RGS8: variants seen among roughly 807,000 people sequenced by gnomAD.
RGS8 encodes regulator of G-protein signaling 8.
A neutral mutation model predicts 21.7 loss-of-function variants in RGS8; 8 were observed. That is an observed-to-expected ratio of 0.37 (90% CI 0.22 to 0.66). RGS8 has a LOEUF of 0.66. Ranked by LOEUF, RGS8 falls within the 30% of genes least tolerant of loss-of-function variation. The probability of loss-of-function intolerance (pLI) is 0.59; values close to 1 mark genes in which losing one functional copy is unlikely to be tolerated. For missense variants in RGS8, 157 were observed against 217.9 expected (o/e 0.72, Z 1.76); for synonymous variants, 80 against 83.6 (o/e 0.96, Z 0.24).
At chr1:182,696,649 C>T in the RGS8 span, among the ~76,000 whole-genome samples, 4 of 152,250 alleles carry the variant, frequency 2.6e-5, no homozygotes, top group African/African-American at 4.8e-5. Context: ...CGTGCCAAGC[C>T]TCTGTTTAAC....
the RGS8 span, among the ~76,000 whole-genome samples, chr1:182,691,520 A>C: frequency 1.3e-5 from 2 of 151,438 alleles, no homozygotes; most frequent in Non-Finnish European, 2.9e-5. Context: ...ATGATCCATC[A>C]CATAAAGAGG....
At chr1:182,659,766 T>C (rs1273781182) in intron 5 of RGS8, among the ~76,000 whole-genome samples, 1 of 151,758 alleles carries the variant, frequency 6.6e-6, no homozygotes, top group Non-Finnish European at 1.5e-5. Flanking sequence ...AAATCAAGTA[T>C]CCAGAAATAT....
At chr1:182,734,082 G>A in the RGS8 span, among the ~76,000 whole-genome samples, 15 of 151,726 alleles carry the variant, frequency 9.9e-5, no homozygotes, top group African/African-American at 3.1e-4. Flanking sequence ...CACCATGCCC[G>A]GCTAATTTTT....
At chr1:182,676,400 C>A (rs187752040), upstream of RGS8, among the ~76,000 whole-genome samples, 1 of 152,092 alleles carries the variant, frequency 6.6e-6, no homozygotes, top group Non-Finnish European at 1.5e-5. Flanking sequence ...AAAGCTCTTC[C>A]GTAAATCTTT....
chr1:182,668,211 C>T (rs946310422), intron 3 of RGS8, among the ~76,000 whole-genome samples: 1 of 152,194 alleles, frequency 6.6e-6, no homozygotes, highest in African/African-American at 2.4e-5. Flanking sequence ...GCTGACCCCT[C>T]ACCTTTAACT....
At chr1:182,739,080 T>C in the RGS8 span, among the ~76,000 whole-genome samples, 3 of 152,220 alleles carry the variant, frequency 2.0e-5, no homozygotes, top group Non-Finnish European at 2.9e-5. Context: ...CTCCCAGGTA[T>C]CTTCTAGCTG....
Position 182,648,123 on chromosome 1 carries a change from C to A in RGS8, c.360+14G>T. On this transcript the variant is annotated intron_variant, in intron 6 of 6. Transcript: ENST00000483095. ...AGCCATGGATAGACAGGATGGTCGC[C>A]GCTGCCAACACACCTCCCGTGGAGC... 6.3e-7 allele frequency: 1 copy of A among 1,586,788 alleles called. No homozygotes were observed. Among genetic ancestry groups the A allele is most frequent in the Non-Finnish European group, 8.6e-7 (1 of 1,162,982 alleles).
the RGS8 span, among the ~76,000 whole-genome samples, chr1:182,694,098 C>T: frequency 1.3e-4 from 20 of 151,698 alleles, no homozygotes; most frequent in African/African-American, 4.1e-4. Context: ...TATAATAAAC[C>T]TTCGCATGTA....
exon 2 of RGS8, chr1:182,671,668 A>C: frequency 6.2e-7 from 1 of 1,614,176 alleles, no homozygotes; most frequent in Non-Finnish European, 8.5e-7. Flanking sequence ...GTCTTTGGCC[A>C]GTCCTCATGG....
At chr1:182,672,848 G>C (rs749050026), upstream of RGS8, 11 of 1,614,000 alleles carry the variant, frequency 6.8e-6, no homozygotes, top group African/African-American at 2.7e-5. Flanking sequence ...GCCTGCTTCA[G>C]TTCCAGAAGG....
intron 5 of RGS8, among the ~76,000 whole-genome samples, chr1:182,665,297 A>G (rs139260334): frequency 6.6e-6 from 1 of 152,340 alleles, no homozygotes; most frequent in East Asian, 1.9e-4. Flanking sequence ...AAAGCAAGAG[A>G]TGAAAAGTTT....
intron 2 of RGS8, 139 bp downstream of exon 3, chr1:182,671,518 G>C (rs1664153976): frequency 1.4e-6 from 1 of 702,428 alleles, no homozygotes; most frequent in African/African-American, 1.8e-5. Context: ...GATTTACAAA[G>C]AGGGGGAGAG....
chr1:182,743,961 A>G, the RGS8 span, among the ~76,000 whole-genome samples: 1 of 152,122 alleles, frequency 6.6e-6, no homozygotes, highest in Non-Finnish European at 1.5e-5. Context: ...TCTTCCTGAA[A>G]CTATGTTTTT....
At chr1:182,729,901 C>G in the RGS8 span, among the ~76,000 whole-genome samples, 3 of 152,270 alleles carry the variant, frequency 2.0e-5, no homozygotes, top group South Asian at 6.2e-4. Flanking sequence ...TTCCTTAGGG[C>G]ACATATGCAA....
chr1:182,663,319 C>A, intron 5 of RGS8, among the ~76,000 whole-genome samples: 1 of 152,166 alleles, frequency 6.6e-6, no homozygotes, highest in East Asian at 1.9e-4. Flanking sequence ...CAGGGGAGTA[C>A]GTGTTCAAAT....
chr1:182,728,987 A>G, the RGS8 span, among the ~76,000 whole-genome samples: 1 of 152,210 alleles, frequency 6.6e-6, no homozygotes, highest in Non-Finnish European at 1.5e-5. Flanking sequence ...CATGTACCCC[A>G]TCCTGTACAT....
At chr1:182,698,730 T>G in the RGS8 span, among the ~76,000 whole-genome samples, 3 of 152,210 alleles carry the variant, frequency 2.0e-5, no homozygotes, top group African/African-American at 7.2e-5. Context: ...AGCATATTCC[T>G]TTTTTGGTGT....
chr1:182,722,712 C>G, the RGS8 span, among the ~76,000 whole-genome samples: 3 of 152,104 alleles, frequency 2.0e-5, no homozygotes, highest in African/African-American at 7.2e-5. Flanking sequence ...CGTGGTGGCT[C>G]ACACCTGTAA....
rs1004555160 is a variant in RGS8 at position 182,684,242 on chromosome 1, G to A, written n.221+114C>T. On this transcript the variant is annotated intron_variant and non_coding_transcript_variant, in intron 1 of 4. Coordinates refer to the RGS8 transcript ENST00000515211. This position sits in a 1 kb window ranked among gnomAD's most constrained non-coding sequence, Gnocchi z 4.2. ...AAATGGGGACAATGACAGGAGGCCA[G>A]AACCTTTTCTGCCCTGCAGTGCCCT... The A allele has an allele frequency of 1.3e-5, 2 of 152,468 alleles. No individual in the cohort carries two copies. The highest frequency in any genetic ancestry group is 2.9e-5 in the Non-Finnish European group (2 of 68,228). 9.4% of individuals were successfully genotyped at this position (152,468 alleles called of 1,614,324 possible). A position where few individuals can be genotyped will look rare whatever the true frequency, so the allele number is the denominator to read the frequency against.
Sources: allele counts gnomAD v4.1 joint callset (sites outside exome capture counted in the v4.1 genomes callset), GRCh38; gene constraint gnomAD v4.1.1; non-coding constraint Gnocchi (gnomAD v3.1); transcripts MANE v1.5; gene names NCBI Gene and HGNC (gene_info 2026-07-23, HGNC 2026-07-21).